Variants in FBXW8 observed in about 807,000 individuals in gnomAD.
The protein encoded by FBXW8 is F-box/WD repeat-containing protein 8.
Under a neutral mutation model 65.3 loss-of-function variants are expected in FBXW8, and 57 were observed. That is an observed-to-expected ratio of 0.87 (90% CI 0.71 to 1.09). The LOEUF is 1.09. FBXW8 is among the 50% of genes least tolerant of loss of function. The pLI is 0.00. For synonymous variants in FBXW8, 308 were observed against 330.2 expected (o/e 0.93, Z 0.73); for missense variants, 777 against 814.8 (o/e 0.95, Z 0.57).
chr12:117,011,779 T>C (rs892847194), intron 8 of FBXW8, among the ~76,000 whole-genome samples: 4 of 152,166 alleles, frequency 2.6e-5, no homozygotes, highest in African/African-American at 9.7e-5. Flanking sequence ...TGAACATTTA[T>C]ATCTTCAGCC....
At chr12:116,965,925 ATTTTT>A (rs10630126) in intron 5 of FBXW8, among the ~76,000 whole-genome samples, 1 of 137,336 alleles carries the variant, frequency 7.3e-6, no homozygotes, top group East Asian at 2.1e-4. Context: ...TGCCCAGCTA[ATTTTT>A]TTTTTTTTTT....
At chr12:117,008,951 CA>C (rs1193685074) in intron 7 of FBXW8, among the ~76,000 whole-genome samples, 1 of 152,188 alleles carries the variant, frequency 6.6e-6, no homozygotes, top group African/African-American at 2.4e-5. Context: ...CCTGTAGTCC[CA>C]CCTACTCAGG....
Position 117,010,328 on chromosome 12 carries a change from G to A in FBXW8, c.1245G>A (p.Leu415=), listed in dbSNP as rs1953772940. Residue 415 remains leucine (L), a synonymous_variant, in exon 8 of 11, where the codon CTG becomes CTA. Transcript: ENST00000652555. The stretch of plus-strand genomic sequence containing the variant: ...CATTTCTCTTCCTCTCTCAGATCCT[G>A]GTGTATAGCCTGGAAGCAGGACGCC... The part of the protein sequence containing the change: ...LGWVYEGSKI[L]VYSLEAGRRL... The A allele has an allele frequency of 1.2e-6, 2 of 1,614,094 alleles. No individual in the cohort carries two copies. Among genetic ancestry groups the A allele is most frequent in the African/African-American group, 1.3e-5 (1 of 74,932 alleles).
At position 116,911,356 on chromosome 12, in the gene FBXW8, G is replaced by T. The variant is rs1224140002; in HGVS notation, c.318+1G>T. ...GGTGGACCAGCTCATCCGCGACCTGGTGAGTGGCCGTCGCCTCCCCCCCGC... is the reference window on the plus strand; with the variant it reads ...GGTGGACCAGCTCATCCGCGACCTGTTGAGTGGCCGTCGCCTCCCCCCCGC... On this transcript the variant is annotated splice_donor_variant, in intron 1 of 10. Coordinates refer to ENST00000652555, the MANE Select transcript of FBXW8 (RefSeq NM_153348.3). LOFTEE classifies it high-confidence loss of function. 3.1e-6 allele frequency: 4 copies of T among 1,274,628 alleles called. No individual in the cohort carries two copies. The highest frequency in any genetic ancestry group is 3.9e-6 in the Non-Finnish European group (4 of 1,014,436). The allele number at this position is 1,274,628 out of a possible 1,614,324, so 79.0% of individuals were successfully genotyped here.
At chr12:116,981,059 A>T (rs991104384) in intron 5 of FBXW8, among the ~76,000 whole-genome samples, 2 of 152,204 alleles carry the variant, frequency 1.3e-5, no homozygotes, top group Admixed American at 6.5e-5. Context: ...TACCTGTTGA[A>T]TGTATTATTG....
chr12:117,020,647 CT>C (rs755523188), intron 8 of FBXW8, among the ~76,000 whole-genome samples: 10 of 152,202 alleles, frequency 6.6e-5, no homozygotes, highest in Non-Finnish European at 1.5e-4. Flanking sequence ...TACTTTCATG[CT>C]TTTGTATTGA....
At chr12:116,982,398 T>C (rs1400740286) in intron 5 of FBXW8, among the ~76,000 whole-genome samples, 4 of 152,172 alleles carry the variant, frequency 2.6e-5, no homozygotes, top group African/African-American at 9.7e-5. Flanking sequence ...CCGAGGGACT[T>C]TGCCTGTGAT....
At chr12:116,963,883 C>G (rs1379125464) in intron 4 of FBXW8, among the ~76,000 whole-genome samples, 1 of 152,202 alleles carries the variant, frequency 6.6e-6, no homozygotes, top group Non-Finnish European at 1.5e-5. Flanking sequence ...AGTTGCTGTA[C>G]AAGTGGAGTA....
chr12:116,927,130 A>C (rs1881388567), intron 1 of FBXW8, among the ~76,000 whole-genome samples: 1 of 152,168 alleles, frequency 6.6e-6, no homozygotes, highest in Non-Finnish European at 1.5e-5. Context: ...AGCACATACC[A>C]AAGTGAGCTT....
rs771696815 is a variant in FBXW8, at chr12:116,928,016, C to G, written c.319-7C>G. The stretch of plus-strand genomic sequence containing the variant: ...TATAAACTTCTTTCTTTTTTTTTTC[C>G]CCTCAGAATGAAATGAATGATGTGC... On this transcript the variant is annotated splice_region_variant and splice_polypyrimidine_tract_variant and intron_variant, in intron 1 of 10. Transcript: ENST00000652555. 10 of 1,518,958 alleles carry G rather than the reference C, an allele frequency of 6.6e-6. No homozygotes were observed. The South Asian group carries it at 9.7e-5, about 15-fold the overall frequency. 94.1% of individuals were successfully genotyped at this position (1,518,958 alleles called of 1,614,324 possible).
At chr12:116,979,777 C>CAAAAAA (rs60145855) in intron 5 of FBXW8, among the ~76,000 whole-genome samples, 22 of 74,492 alleles carry the variant, frequency 3.0e-4, no homozygotes, top group African/African-American at 8.8e-4. Flanking sequence ...CAGGGAATGG[C>CAAAAAA]AAAAAAAAAA....
chr12:117,017,621 CAG>C (rs1172634767), intron 8 of FBXW8, among the ~76,000 whole-genome samples: 14 of 152,112 alleles, frequency 9.2e-5, no homozygotes, highest in African/African-American at 2.9e-4. Context: ...TGAGAGCAAA[CAG>C]AATCATGTAT....
intron 8 of FBXW8, among the ~76,000 whole-genome samples, chr12:117,021,258 G>T (rs562162813): frequency 1.3e-5 from 2 of 152,322 alleles, no homozygotes; most frequent in Admixed American, 6.5e-5. Context: ...AAAGCCATTA[G>T]TATTTTTCTG....
Position 116,961,603 on chromosome 12 carries a change from C to A in FBXW8, c.678-3094C>A, listed in dbSNP as rs2137383130. 6.6e-6 allele frequency among the ~76,000 whole-genome samples: 1 copy of A among 152,224 alleles called. No individual in the cohort carries two copies. Among genetic ancestry groups the A allele is most frequent in the South Asian group, 2.1e-4 (1 of 4,812 alleles). The stretch of plus-strand genomic sequence containing the variant: ...TATAGAGGGTTCTCTGGGTATATGG[C>A]AAGCGCTGTTCTAGTCTGTCTGTTC... On this transcript the variant is annotated intron_variant, in intron 4 of 10. Transcript: ENST00000652555. The surrounding 1 kb of genome is among the most constrained non-coding windows in gnomAD (Gnocchi z 4.4).
chr12:116,941,677 T>G (rs527551690), intron 2 of FBXW8, among the ~76,000 whole-genome samples: 2 of 152,360 alleles, frequency 1.3e-5, no homozygotes, highest in African/African-American at 4.8e-5. Context: ...AGTTCTTAGA[T>G]TCCCACTAAT....
At position 116,956,665 on chromosome 12, in the gene FBXW8, T is replaced by G. The variant is rs1592887237; in HGVS notation, c.677+6959T>G. Among the ~76,000 whole-genome samples the G allele has an allele frequency of 7.2e-5, 11 of 152,310 alleles. No individual in the cohort carries two copies. The South Asian group carries it at 2.3e-3, about 32-fold the overall frequency. ...TCATTGTTTTACAATTAAGAAGTAT[T>G]GGAAAATATAATTTTAAACAGGGCA... On this transcript the variant is annotated intron_variant, in intron 4 of 10. Coordinates refer to ENST00000652555, the MANE Select transcript of FBXW8 (RefSeq NM_153348.3).
At chr12:117,021,358 C>A (rs550661659) in intron 8 of FBXW8, among the ~76,000 whole-genome samples, 1 of 152,276 alleles carries the variant, frequency 6.6e-6, no homozygotes, top group Admixed American at 6.5e-5. Context: ...GACATTAGCC[C>A]TTTTTGTTGC....
chr12:116,972,377 G>A (rs1019749002), intron 5 of FBXW8, among the ~76,000 whole-genome samples: 18 of 152,216 alleles, frequency 1.2e-4, no homozygotes, highest in African/African-American at 4.3e-4. Context: ...CTTTCACTAT[G>A]TGCAGTTTTG....
chr12:117,002,782 C>CT (rs1368033563), intron 7 of FBXW8: 1 of 152,144 alleles, frequency 6.6e-6, no homozygotes, highest in African/African-American at 2.4e-5. Context: ...ATGATTTACT[C>CT]TTTTGTCACT....
Sources: allele counts gnomAD v4.1 joint callset (sites outside exome capture counted in the v4.1 genomes callset), GRCh38; gene constraint gnomAD v4.1.1; non-coding constraint Gnocchi (gnomAD v3.1); transcripts MANE v1.5; gene names NCBI Gene and HGNC (gene_info 2026-07-23, HGNC 2026-07-21).